TSPEAR: variants seen among roughly 807,000 people sequenced by gnomAD.
TSPEAR encodes the protein thrombospondin type laminin G domain and EAR repeats, also known as thrombospondin-type laminin G domain and EAR repeat-containing protein.
Under a neutral mutation model 71.6 loss-of-function variants are expected in TSPEAR, and 69 were observed. That is an observed-to-expected ratio of 0.96 (90% CI 0.79 to 1.18). The LOEUF (loss-of-function observed/expected upper bound fraction) is 1.18. Among genes scored for constraint, TSPEAR ranks in the 50% most tolerant of loss-of-function variants. The pLI is 0.00. For synonymous variants in TSPEAR, 402 were observed against 387.2 expected, an observed-to-expected ratio of 1.04 and a Z score of -0.45; for missense variants, 971 against 894.9, an observed-to-expected ratio of 1.09 and a Z score of -1.09.
chr21:44,686,780 G>A (rs879995543), intron 1 of TSPEAR, among the ~76,000 whole-genome samples: 11 of 152,182 alleles, frequency 7.2e-5, no homozygotes, highest in Non-Finnish European at 1.0e-4. Context: ...TCCCCTGAAC[G>A]TTCTTGTGCA....
At chr21:44,598,608 G>A (rs1226427180) in intron 1 of TSPEAR, among the ~76,000 whole-genome samples, 1 of 152,180 alleles carries the variant, frequency 6.6e-6, no homozygotes, top group Non-Finnish European at 1.5e-5. Context: ...TGTAACATAT[G>A]TCAGCACTTC....
intron 9 of TSPEAR, 99 bp downstream of exon 9, chr21:44,521,783 CT>C (rs2052739127): frequency 8.5e-7 from 1 of 1,178,930 alleles, no homozygotes; most frequent in African/African-American, 1.5e-5. Context: ...CTAGGTTTGG[CT>C]CTCGGTGGAC....
intron 1 of TSPEAR, among the ~76,000 whole-genome samples, chr21:44,634,365 T>C (rs1983423241): frequency 6.6e-6 from 1 of 152,166 alleles, no homozygotes; most frequent in African/African-American, 2.4e-5. Context: ...ATATATGAGA[T>C]AAAGCCATAA....
intron 8 of TSPEAR, among the ~76,000 whole-genome samples, chr21:44,524,967 G>GCAGTCAGT (rs60191742): frequency 6.7e-6 from 1 of 150,256 alleles, no homozygotes; most frequent in Non-Finnish European, 1.5e-5. Flanking sequence ...ACTCTTTGAG[G>GCAGTCAGT]CAGTCAGTCA....
At chr21:44,513,716 C>T (rs138495474) in intron 9 of TSPEAR, among the ~76,000 whole-genome samples, 30 of 152,278 alleles carry the variant, frequency 2.0e-4, no homozygotes, top group East Asian at 1.5e-3. Flanking sequence ...CCTTGGGTTC[C>T]GGCTTTGATA....
rs587750087 is a variant in TSPEAR, at chr21:44,677,049, T to G, written c.82+34384A>C. On this transcript the variant is annotated intron_variant, in intron 1 of 11. Coordinates refer to ENST00000323084, the MANE Select transcript of TSPEAR (RefSeq NM_144991.3). ...GCTGTCGTTTAAAGTCATCCTGAGC[T>G]TGGCCCACCAGCTCATGATACTGAG... The G allele has an allele frequency of 2.8e-5, 22 of 781,528 alleles. No individual in the cohort carries two copies. In the East Asian group the frequency reaches 5.1e-4, roughly 18 times the overall value. The allele number at this position is 781,528 out of a possible 1,614,324, so 48.4% of individuals were successfully genotyped here. A position where few individuals can be genotyped will look rare whatever the true frequency, so the allele number is the denominator to read the frequency against.
At chr21:44,591,384 C>T (rs1979813574) in intron 1 of TSPEAR, 1 of 1,600,094 alleles carries the variant, frequency 6.2e-7, no homozygotes, top group African/African-American at 1.3e-5. Context: ...ACATCCAGGG[C>T]TGTCAGCAGC....
At chr21:44,538,796 T>TGAGCTGGGACTGAGCCTTCCTG (rs1251393435) in intron 2 of TSPEAR, among the ~76,000 whole-genome samples, 1 of 152,166 alleles carries the variant, frequency 6.6e-6, no homozygotes, top group Non-Finnish European at 1.5e-5. Flanking sequence ...GCACAGGGGC[T>TGAGCTGGGACTGAGCCTTCCTG]GAGCTGGGAC....
intron 2 of TSPEAR, among the ~76,000 whole-genome samples, chr21:44,548,105 C>T (rs1350844461): frequency 6.6e-6 from 1 of 152,246 alleles, no homozygotes; most frequent in Non-Finnish European, 1.5e-5. Flanking sequence ...AGTGTAGCTG[C>T]TCTCTGCCTT....
Position 44,509,199 on chromosome 21 carries a change from C to A in TSPEAR, c.1754G>T (p.Ser585Ile), listed in dbSNP as rs782716325. ...CCCACTGGCCTGTGGAGGCGCATAC[C>A]TGCAGGTGAGAATGTCCTGGAACTT... The part of the protein sequence containing the change: ...FVKFQDILTC[S>I]ALDWEFFSVG... The change falls in exon 10 of 12, where the codon AGT (serine) becomes ATT (isoleucine). Residue 585 changes from serine (S) to isoleucine (I), a missense_variant and splice_region_variant. Coordinates refer to ENST00000323084, the MANE Select transcript of TSPEAR (RefSeq NM_144991.3). The A allele has an allele frequency of 1.7e-4, 271 of 1,613,422 alleles. No individual in the cohort carries two copies. The highest frequency in any genetic ancestry group is 2.2e-4 in the Non-Finnish European group (256 of 1,179,664).
At chr21:44,601,289 C>CT in intron 1 of TSPEAR, 2 of 1,608,684 alleles carry the variant, frequency 1.2e-6, no homozygotes, top group South Asian at 2.2e-5. Context: ...ACCTCCTCCC[C>CT]TTGCCAGCAG....
chr21:44,615,773 C>T (rs1306481132), intron 1 of TSPEAR, among the ~76,000 whole-genome samples: 1 of 152,152 alleles, frequency 6.6e-6, no homozygotes, highest in African/African-American at 2.4e-5. Flanking sequence ...ATCCAAATTT[C>T]CCAAAAAGCT....
intron 3 of TSPEAR, among the ~76,000 whole-genome samples, chr21:44,533,037 C>T (rs1555915914): frequency 6.6e-6 from 1 of 152,238 alleles, no homozygotes; most frequent in East Asian, 1.9e-4. Flanking sequence ...CAGTGCCGGT[C>T]CCCTGCCAAG....
intron 1 of TSPEAR, chr21:44,697,140 C>G (rs1467044813): frequency 1.3e-6 from 2 of 1,586,136 alleles, no homozygotes; most frequent in African/African-American, 2.7e-5. Flanking sequence ...ATCCAGCACC[C>G]AGACACTCAC....
chr21:44,521,068 T>C (rs1555914186), intron 9 of TSPEAR, among the ~76,000 whole-genome samples: 1 of 151,932 alleles, frequency 6.6e-6, no homozygotes, highest in East Asian at 1.9e-4. Context: ...GGGGAATGAG[T>C]CGCCAGGTCA....
At chr21:44,613,539 C>T (rs1489395977) in intron 1 of TSPEAR, among the ~76,000 whole-genome samples, 1 of 152,184 alleles carries the variant, frequency 6.6e-6, no homozygotes, top group Non-Finnish European at 1.5e-5. Context: ...GGCCTGGGTT[C>T]CGGGCACTGC....
chr21:44,591,447 G>A (rs782464828), intron 1 of TSPEAR: 2 of 1,613,988 alleles, frequency 1.2e-6, no homozygotes, highest in South Asian at 2.2e-5. Flanking sequence ...AGCACATGGG[G>A]CGGCAGAGGA....
intron 2 of TSPEAR, among the ~76,000 whole-genome samples, chr21:44,566,377 T>C (rs2053703741): frequency 6.6e-6 from 1 of 152,188 alleles, no homozygotes; most frequent in African/African-American, 2.4e-5. Flanking sequence ...AAAAGCATCA[T>C]ACGTTCATTA....
intron 1 of TSPEAR, among the ~76,000 whole-genome samples, chr21:44,650,862 G>A (rs1184364163): frequency 6.6e-6 from 1 of 152,220 alleles, no homozygotes; most frequent in Non-Finnish European, 1.5e-5. Flanking sequence ...CCCAGAGGTG[G>A]ACGGAGTCCT....
Sources: allele counts gnomAD v4.1 joint callset (sites outside exome capture counted in the v4.1 genomes callset), GRCh38; gene constraint gnomAD v4.1.1; transcripts MANE v1.5; gene names NCBI Gene and HGNC (gene_info 2026-07-23, HGNC 2026-07-21).